Variants in CSNK1G2 observed in about 807,000 individuals in gnomAD.
CSNK1G2 encodes the protein casein kinase 1 gamma 2.
CSNK1G2 carries 11 observed loss-of-function variants against 48.0 expected under a neutral mutation model. The observed-to-expected ratio is 0.23, with a 90% confidence interval of 0.14 to 0.38. CSNK1G2 has a LOEUF of 0.38. Among genes scored for constraint, CSNK1G2 ranks in the 10% least tolerant of loss-of-function variants. The probability of loss-of-function intolerance (pLI) is 1.00; values close to 1 mark genes in which losing one functional copy is unlikely to be tolerated. For missense variants in CSNK1G2, 446 were observed against 595.5 expected (o/e 0.75, Z 2.61); for synonymous variants, 337 against 254.1 (o/e 1.33, Z -3.10).
At chr19:1,955,999 C>G (rs1006156372) in intron 1 of CSNK1G2, among the ~76,000 whole-genome samples, 1 of 152,172 alleles carries the variant, frequency 6.6e-6, no homozygotes, top group Non-Finnish European at 1.5e-5. Context: ...GGAGCAGGGT[C>G]GGCACACAGC....
chr19:1,962,818 G>A (rs908151918), intron 1 of CSNK1G2, among the ~76,000 whole-genome samples: 3 of 152,018 alleles, frequency 2.0e-5, no homozygotes, highest in South Asian at 4.2e-4. Context: ...GACCCAGCAC[G>A]ACCACTCCCA....
chr19:1,979,775 C>T lies in CSNK1G2; in HGVS notation c.1026C>T (p.His342=). 6.2e-7 allele frequency: 1 copy of T among 1,606,994 alleles called. No individual in the cohort carries two copies. The highest frequency in any genetic ancestry group is 1.1e-5 in the South Asian group (1 of 90,812). Residue 342 remains histidine, a synonymous_variant, in exon 10 of 12, where the codon CAC becomes CAT. Coordinates refer to ENST00000255641, the MANE Select transcript of CSNK1G2 (RefSeq NM_001319.7). ...AGCCGACCCCCATCGGCACCGTCCACACCGACCTGCCCTCCCAGCCTCAGC... is the reference window on the plus strand; with the variant it reads ...AGCCGACCCCCATCGGCACCGTCCATACCGACCTGCCCTCCCAGCCTCAGC... ...KPLPTPIGTV[H]TDLPSQPQLR...
chr19:1,949,266 C>T (rs1787053555), intron 1 of CSNK1G2, among the ~76,000 whole-genome samples: 1 of 152,200 alleles, frequency 6.6e-6, no homozygotes, highest in African/African-American at 2.4e-5. Flanking sequence ...ACCTTCCCAC[C>T]TTCCCAAATT....
chr19:1,962,194 G>T (rs867352594), intron 1 of CSNK1G2, among the ~76,000 whole-genome samples: 29 of 152,126 alleles, frequency 1.9e-4, no homozygotes, highest in African/African-American at 7.0e-4. Flanking sequence ...AGCCAGATGT[G>T]GTGGCAGGTG....
intron 1 of CSNK1G2, chr19:1,954,211 C>CT (rs2014896957): frequency 1.7e-5 from 6 of 355,252 alleles, no homozygotes; most frequent in Non-Finnish European, 2.8e-5. Context: ...TTGTGGAGGG[C>CT]GCCCTTCCGT....
intron 2 of CSNK1G2, chr19:1,976,190 C>G: frequency 9.9e-7 from 1 of 1,012,064 alleles, no homozygotes; most frequent in Admixed American, 2.4e-5. Flanking sequence ...GGAGAATTTC[C>G]TAATAACGTG....
intron 1 of CSNK1G2, among the ~76,000 whole-genome samples, chr19:1,961,644 G>A (rs76145070): frequency 0.029 from 4,448 of 152,332 alleles, 209 homozygotes; most frequent in African/African-American, 0.1. Context: ...TGTGCTGGAA[G>A]AGAGATGAGC....
In CSNK1G2 at chr19:1,957,956, G is replaced by T. The variant is rs901970382; in HGVS notation, c.-265-11552G>T. On this transcript the variant is annotated intron_variant, in intron 1 of 11. Transcript: ENST00000255641. The surrounding 1 kb of genome is among the most constrained non-coding windows in gnomAD (Gnocchi z 5.4). ...GGCAGAGCCAGCCTCATGTCACCAC[G>T]TGCTTCCCCCGTGTGCAGGGAGGGG... 3.3e-5 allele frequency among the ~76,000 whole-genome samples: 5 copies of T among 152,194 alleles called. No homozygotes were observed. The East Asian group carries it at 9.6e-4, about 29-fold the overall frequency.
At position 1,979,410 on chromosome 19, in the gene CSNK1G2, G is replaced by T. The variant is rs769394939; in HGVS notation, c.853+7G>T. On this transcript the variant is annotated splice_region_variant and intron_variant, in intron 8 of 11. Coordinates refer to ENST00000255641, the MANE Select transcript of CSNK1G2 (RefSeq NM_001319.7). Reference sequence around the variant, plus strand: ...CTCTGCGAGAACTTCCCAGGTAAGGGGTCCCTGCGCCCCCGCCCTGTGCCC... The same window carrying T: ...CTCTGCGAGAACTTCCCAGGTAAGGTGTCCCTGCGCCCCCGCCCTGTGCCC... 4 of 1,562,108 alleles carry T rather than the reference G, an allele frequency of 2.6e-6. No individual in the cohort carries two copies. Among genetic ancestry groups the T allele is most frequent in the Non-Finnish European group, 3.5e-6 (4 of 1,154,882 alleles).
At chr19:1,970,421 C>G (rs1421234172) in intron 2 of CSNK1G2, among the ~76,000 whole-genome samples, 1 of 152,220 alleles carries the variant, frequency 6.6e-6, no homozygotes, top group South Asian at 2.1e-4. Context: ...GTGCCACTCC[C>G]AGCTTCACCA....
chr19:1,954,198 C>T (rs185240961), intron 1 of CSNK1G2: 1 of 375,462 alleles, frequency 2.7e-6, no homozygotes, highest in East Asian at 6.6e-5. Context: ...CTGCGCCCCT[C>T]CATTGTGGAG....
At chr19:1,971,721 G>A (rs2015577147) in intron 2 of CSNK1G2, among the ~76,000 whole-genome samples, 1 of 151,514 alleles carries the variant, frequency 6.6e-6, no homozygotes, top group Admixed American at 6.6e-5. Flanking sequence ...CTGCTGAATA[G>A]TGCAGGTCCC....
chr19:1,947,705 G>A (rs562431578), intron 1 of CSNK1G2, among the ~76,000 whole-genome samples: 30 of 152,358 alleles, frequency 2.0e-4, no homozygotes, highest in Admixed American at 5.9e-4. Flanking sequence ...GCCTGCAGGT[G>A]GGCTGGGACA....
At chr19:1,947,016 A>G (rs974414014) in intron 1 of CSNK1G2, among the ~76,000 whole-genome samples, 2 of 152,112 alleles carry the variant, frequency 1.3e-5, no homozygotes, top group East Asian at 1.9e-4. Flanking sequence ...AGCCTCCCTC[A>G]TAGCTGGGAT....
Position 1,978,333 on chromosome 19 carries a change from G to A in CSNK1G2, c.216G>A (p.Val72=). ...AGAATCTCTATACAAATGAATACGTGGCTATCAAATTGGTGAGTCGGCCCC... is the reference window on the plus strand; with the variant it reads ...AGAATCTCTATACAAATGAATACGTAGCTATCAAATTGGTGAGTCGGCCCC... ...LGKNLYTNEY[V]AIKLEPIKSR... The change falls in exon 3 of 12, where the codon GTG becomes GTA. Residue 72 remains valine (V), a synonymous_variant. Coordinates refer to ENST00000255641, the MANE Select transcript of CSNK1G2 (RefSeq NM_001319.7). This position sits in a 1 kb window ranked among gnomAD's most constrained non-coding sequence, Gnocchi z 7.3. The A allele has an allele frequency of 6.2e-7, 1 of 1,613,552 alleles. No individual in the cohort carries two copies. The highest frequency in any genetic ancestry group is 8.5e-7 in the Non-Finnish European group (1 of 1,179,888).
chr19:1,945,476 G>A (rs945861945), intron 1 of CSNK1G2, among the ~76,000 whole-genome samples: 1 of 152,234 alleles, frequency 6.6e-6, no homozygotes, highest in Non-Finnish European at 1.5e-5. Context: ...TGGCCCAGCG[G>A]CCTCCCTGCA....
rs894043601 is a variant in CSNK1G2 at position 1,957,300 on chromosome 19, G to A, written c.-265-12208G>A. Among the ~76,000 whole-genome samples the A allele has an allele frequency of 4.6e-5, 7 of 152,224 alleles. No individual in the cohort carries two copies. The highest frequency in any genetic ancestry group is 3.9e-4 in the East Asian group (2 of 5,194). On this transcript the variant is annotated intron_variant, in intron 1 of 11. Transcript: ENST00000255641. This position sits in a 1 kb window ranked among gnomAD's most constrained non-coding sequence, Gnocchi z 5.4. ...GGTGCCTTGCCCAGCCTGGAGGCCC[G>A]CAAGGATGAGAAGCAGTGTGTGCCC... is the stretch of plus-strand genomic sequence containing the variant.
intron 1 of CSNK1G2, among the ~76,000 whole-genome samples, chr19:1,950,553 G>T (rs578200620): frequency 8.8e-5 from 13 of 146,906 alleles, no homozygotes; most frequent in Non-Finnish European, 4.5e-5. Flanking sequence ...CAGGAGATGA[G>T]CACCGTCCGC....
intron 1 of CSNK1G2, among the ~76,000 whole-genome samples, chr19:1,944,063 T>C (rs1309843511): frequency 6.6e-6 from 1 of 151,766 alleles, no homozygotes; most frequent in Admixed American, 6.6e-5. Context: ...GCCCGAGTCC[T>C]GGTTAGGGTT....
Sources: gnomAD v4.1 joint callset for allele counts (sites outside exome capture counted in the v4.1 genomes callset) on GRCh38, gnomAD v4.1.1 for gene constraint, Gnocchi (gnomAD v3.1) non-coding constraint, MANE v1.5 for transcripts, NCBI Gene and HGNC (gene_info 2026-07-23, HGNC 2026-07-21) for gene names.